The following DCC variants were observed in gnomAD, a reference collection of about 807,000 sequenced individuals.
DCC encodes DCC netrin 1 receptor.
Under a neutral mutation model 172.5 loss-of-function variants are expected in DCC, and 58 were observed. The ratio of observed to expected loss-of-function variants is 0.34; its 90% CI spans 0.27 to 0.42. The LOEUF (loss-of-function observed/expected upper bound fraction) is 0.42, where lower values mean the gene tolerates loss of function less well. DCC is among the 10% of genes least tolerant of loss of function. The probability of loss-of-function intolerance (pLI) is 1.00; values close to 1 mark genes in which losing one functional copy is unlikely to be tolerated. For missense variants in DCC, 1,740 were observed against 1,791.0 expected, an observed-to-expected ratio of 0.97 and a Z score of 0.51; for synonymous variants, 709 against 644.5, an observed-to-expected ratio of 1.10 and a Z score of -1.52.
intron 1 of DCC, among the ~76,000 whole-genome samples, chr18:52,341,164 G>C (rs1275780428): frequency 6.7e-6 from 1 of 149,036 alleles, no homozygotes; most frequent in Non-Finnish European, 1.5e-5. Flanking sequence ...GAGAGCCGGC[G>C]GGCTGGGGCA....
chr18:53,106,409 C>T (rs887788364), intron 7 of DCC, among the ~76,000 whole-genome samples: 1 of 151,902 alleles, frequency 6.6e-6, no homozygotes, highest in Non-Finnish European at 1.5e-5. Flanking sequence ...AGCTGAAACT[C>T]TGGGCATGTT....
chr18:53,461,113 CT>C (rs2045553606), intron 24 of DCC, among the ~76,000 whole-genome samples: 1 of 152,154 alleles, frequency 6.6e-6, no homozygotes, highest in African/African-American at 2.4e-5. Context: ...CCTTCGCCCA[CT>C]TTTTGATGGG....
intron 1 of DCC, among the ~76,000 whole-genome samples, chr18:52,444,373 A>G (rs889785299): frequency 1.3e-5 from 2 of 152,342 alleles, no homozygotes; most frequent in Middle Eastern, 3.4e-3. Flanking sequence ...TACGTCAAGA[A>G]GCTTAAAATC....
chr18:53,001,083 A>G (rs1599016307), intron 5 of DCC, among the ~76,000 whole-genome samples: 1 of 152,014 alleles, frequency 6.6e-6, no homozygotes, highest in South Asian at 2.1e-4. Flanking sequence ...GGCAATTTGC[A>G]AAACGACTCC....
At chr18:52,987,035 T>A (rs2041307655) in intron 5 of DCC, among the ~76,000 whole-genome samples, 1 of 152,168 alleles carries the variant, frequency 6.6e-6, no homozygotes, top group South Asian at 2.1e-4. Context: ...TTGGCCAGGC[T>A]GGCCTTGAAC....
intron 1 of DCC, among the ~76,000 whole-genome samples, chr18:52,685,387 A>T (rs1303100167): frequency 6.6e-6 from 1 of 152,146 alleles, no homozygotes; most frequent in African/African-American, 2.4e-5. Flanking sequence ...GGGTGGAATG[A>T]CAGTCATATT....
chr18:53,449,365 G>A (rs958283598), intron 22 of DCC, among the ~76,000 whole-genome samples: 3 of 152,194 alleles, frequency 2.0e-5, no homozygotes, highest in Non-Finnish European at 2.9e-5. Flanking sequence ...TATTTAGCAA[G>A]TAACTCATCA....
intron 27 of DCC, among the ~76,000 whole-genome samples, chr18:53,525,702 T>G (rs1215575947): frequency 1.3e-5 from 2 of 152,084 alleles, no homozygotes; most frequent in Non-Finnish European, 2.9e-5. Flanking sequence ...AGGACCCCAT[T>G]AGAACCATTA....
At chr18:53,045,998 C>A (rs2042232972) in intron 5 of DCC, among the ~76,000 whole-genome samples, 1 of 151,746 alleles carries the variant, frequency 6.6e-6, no homozygotes, top group African/African-American at 2.4e-5. Flanking sequence ...CATACAAATG[C>A]TTTTTCCATG....
At chr18:53,372,424 A>G (rs187444215) in intron 15 of DCC, among the ~76,000 whole-genome samples, 49 of 152,228 alleles carry the variant, frequency 3.2e-4, no homozygotes, top group African/African-American at 1.0e-3. Context: ...ATATGAACAC[A>G]AAGAGGGCAA....
At chr18:53,506,121 C>A (rs897356551) in intron 27 of DCC, among the ~76,000 whole-genome samples, 2 of 152,214 alleles carry the variant, frequency 1.3e-5, no homozygotes, top group African/African-American at 4.8e-5. Flanking sequence ...TACCTTTCAA[C>A]TTTTCCAGGG....
chr18:52,560,005 A>G (rs1182695371), intron 1 of DCC, among the ~76,000 whole-genome samples: 1 of 152,214 alleles, frequency 6.6e-6, no homozygotes, highest in Non-Finnish European at 1.5e-5. Flanking sequence ...ATTGTAAATG[A>G]GTACCTCTTA....
At chr18:53,477,874 A>G (rs539747192) in intron 25 of DCC, among the ~76,000 whole-genome samples, 2 of 152,296 alleles carry the variant, frequency 1.3e-5, no homozygotes, top group East Asian at 1.9e-4. Context: ...ATGAACCCCA[A>G]TCTTTTGATT....
intron 7 of DCC, among the ~76,000 whole-genome samples, chr18:53,156,523 T>G (rs1349327418): frequency 6.6e-6 from 1 of 152,164 alleles, no homozygotes; most frequent in African/African-American, 2.4e-5. Flanking sequence ...CGTTACCATT[T>G]TTTAATACAT....
At chr18:53,269,091 CGTGT>C (rs140352533) in intron 12 of DCC, among the ~76,000 whole-genome samples, 18 of 149,424 alleles carry the variant, frequency 1.2e-4, no homozygotes, top group African/African-American at 2.9e-4. Flanking sequence ...GATGTGTGTG[CGTGT>C]GTGTGTGTGT....
chr18:52,769,807 T>C (rs190857108), intron 2 of DCC, among the ~76,000 whole-genome samples: 1 of 152,234 alleles, frequency 6.6e-6, no homozygotes, highest in African/African-American at 2.4e-5. Context: ...TGCATGATGA[T>C]GTCCAGTTGT....
chr18:53,439,542 G>C (rs974024003), intron 22 of DCC, among the ~76,000 whole-genome samples: 1 of 152,162 alleles, frequency 6.6e-6, no homozygotes, highest in African/African-American at 2.4e-5. Context: ...ACTCAAGCCA[G>C]TTGCAAATAA....
intron 15 of DCC, among the ~76,000 whole-genome samples, chr18:53,349,513 G>A (rs1238496274): frequency 6.6e-6 from 1 of 152,048 alleles, no homozygotes; most frequent in African/African-American, 2.4e-5. Flanking sequence ...CCAACTCCTG[G>A]TACCAATTTA....
chr18:53,107,553 A>AT (rs1353915323), intron 7 of DCC, among the ~76,000 whole-genome samples: 2 of 151,418 alleles, frequency 1.3e-5, no homozygotes, highest in East Asian at 2.0e-4. Flanking sequence ...AAAAAAAAAA[A>AT]AGAGGAAGAC....
Sources: gnomAD v4.1 joint callset for allele counts (sites outside exome capture counted in the v4.1 genomes callset) on GRCh38, gnomAD v4.1.1 for gene constraint, MANE v1.5 for transcripts, NCBI Gene and HGNC (gene_info 2026-07-23, HGNC 2026-07-21) for gene names.